Variants in WFDC11 observed in about 807,000 individuals in gnomAD.
WFDC11 encodes WAP four-disulfide core domain 11.
Under a neutral mutation model 9.9 loss-of-function variants are expected in WFDC11, and 9 were observed. The ratio of observed to expected loss-of-function variants is 0.91; its 90% CI spans 0.55 to 1.58. The LOEUF (loss-of-function observed/expected upper bound fraction) is 1.58, where lower values mean the gene tolerates loss of function less well. WFDC11 is among the 40% of genes most tolerant of loss of function. The pLI, the probability that WFDC11 is intolerant of heterozygous loss-of-function variation, is 0.00. For missense variants in WFDC11, 106 were observed against 101.7 expected, an observed-to-expected ratio of 1.04 and a Z score of -0.18; for synonymous variants, 32 against 33.3, an observed-to-expected ratio of 0.96 and a Z score of 0.13.
rs373408970 is a variant in WFDC11 at position 45,650,447 on chromosome 20, T to G, written c.100+54A>C. On this transcript the variant is annotated intron_variant, in intron 3 of 4. Coordinates refer to ENST00000324384, the MANE Select transcript of WFDC11 (RefSeq NM_147197.2). ...CGGACAATGAAACCCCCTCCCTTGT[T>G]CAGAAACAAGCTCATCCCCCTCCTG... 1.1e-4 allele frequency: 160 copies of G among 1,469,552 alleles called. 2 individuals are homozygous for G. The South Asian group carries it at 1.6e-3, about 14-fold the overall frequency. The allele number at this position is 1,469,552 out of a possible 1,614,324, so 91.0% of individuals were successfully genotyped here.
At chr20:45,653,078 T>A (rs1207375479) in intron 2 of WFDC11, among the ~76,000 whole-genome samples, 6 of 148,362 alleles carry the variant, frequency 4.0e-5, no homozygotes. Context: ...GGAAATAGAA[T>A]GCCACAAAGA....
At chr20:45,649,985 G>T (rs4810462) in intron 3 of WFDC11, among the ~76,000 whole-genome samples, 1 of 151,796 alleles carries the variant, frequency 6.6e-6, no homozygotes, top group Non-Finnish European at 1.5e-5. Flanking sequence ...CACTAAGAAG[G>T]GATCTCAAGC....
chr20:45,668,949 C>A (rs181443066), intron 1 of WFDC11, among the ~76,000 whole-genome samples: 1 of 152,150 alleles, frequency 6.6e-6, no homozygotes, highest in African/African-American at 2.4e-5. Flanking sequence ...ATAATTCAAT[C>A]TGTGCATAAA....
chr20:45,650,519 T>C lies in WFDC11; in HGVS notation c.82A>G (p.Arg28Gly), dbSNP rs745614028. 1.2e-6 allele frequency: 2 copies of C among 1,614,030 alleles called. No homozygotes were observed. Among genetic ancestry groups the C allele is most frequent in the Admixed American group, 3.3e-5 (2 of 60,014 alleles). ...TVLLSVLGEM[R>G]KKRYDRKELL... Reference sequence around the variant, plus strand: ...CACCTACTGTCATATCTTTTCTTCCTCATTTCTCCCAGCACAGACAGTAGC... The same window carrying C: ...CACCTACTGTCATATCTTTTCTTCCCCATTTCTCCCAGCACAGACAGTAGC... The change falls in exon 3 of 5, where the codon AGG (arginine) becomes GGG (glycine). Residue 28 changes from arginine to glycine, a missense_variant. By Grantham distance (125) the Arg-to-Gly change is moderately radical. Transcript: ENST00000324384.
intron 2 of WFDC11, among the ~76,000 whole-genome samples, chr20:45,662,652 G>A (rs1160358854): frequency 3.9e-5 from 6 of 152,164 alleles, no homozygotes; most frequent in African/African-American, 1.2e-4. Context: ...TTTGTCAAAG[G>A]CCTTTTCTGC....
chr20:45,656,330 T>C (rs1382442648), intron 2 of WFDC11, among the ~76,000 whole-genome samples: 6 of 152,120 alleles, frequency 3.9e-5, no homozygotes, highest in African/African-American at 1.4e-4. Flanking sequence ...AAACAAGCAA[T>C]GGGGAAAGGA....
chr20:45,653,165 G>A (rs923519092), intron 2 of WFDC11, among the ~76,000 whole-genome samples: 3 of 152,082 alleles, frequency 2.0e-5, no homozygotes, highest in African/African-American at 7.2e-5. Context: ...AAAATGTTAA[G>A]GGCAGCAAGA....
intron 2 of WFDC11, among the ~76,000 whole-genome samples, chr20:45,661,535 G>T (rs542123070): frequency 2.8e-4 from 43 of 152,294 alleles, no homozygotes; most frequent in South Asian, 2.3e-3. Context: ...TTCTTCTAGG[G>T]TTTTTATGGT....
At chr20:45,665,638 C>A (rs1268449616) in intron 2 of WFDC11, among the ~76,000 whole-genome samples, 2 of 152,100 alleles carry the variant, frequency 1.3e-5, no homozygotes, top group Admixed American at 6.5e-5. Context: ...GATGCTATTC[C>A]TTTCTGTTTG....
chr20:45,666,276 G>A (rs997213071), intron 2 of WFDC11, among the ~76,000 whole-genome samples: 2 of 152,242 alleles, frequency 1.3e-5, no homozygotes, highest in African/African-American at 4.8e-5. Context: ...AAGACCTTGG[G>A]AAAAGCACAG....
intron 2 of WFDC11, among the ~76,000 whole-genome samples, chr20:45,655,071 A>C (rs1395297849): frequency 6.6e-6 from 1 of 152,222 alleles, no homozygotes; most frequent in Non-Finnish European, 1.5e-5. Flanking sequence ...AATCCTCCCT[A>C]ACCCATTTTA....
chr20:45,668,291 A>C (rs1362451815), intron 1 of WFDC11, among the ~76,000 whole-genome samples: 2 of 152,214 alleles, frequency 1.3e-5, no homozygotes, highest in Non-Finnish European at 2.9e-5. Flanking sequence ...GACTGGGTCT[A>C]GGAATATTCC....
At chr20:45,661,043 AG>A (rs1218226863) in intron 2 of WFDC11, among the ~76,000 whole-genome samples, 2 of 152,108 alleles carry the variant, frequency 1.3e-5, no homozygotes, top group African/African-American at 2.4e-5. Flanking sequence ...ACAGTGTAAA[AG>A]TGTTCCTATT....
intron 2 of WFDC11, among the ~76,000 whole-genome samples, chr20:45,657,508 C>T (rs1477224496): frequency 2.0e-5 from 3 of 152,028 alleles, no homozygotes; most frequent in African/African-American, 4.8e-5. Flanking sequence ...GGGTGCAGCA[C>T]ACCAATATGG....
chr20:45,654,194 C>T (rs1329380069), intron 2 of WFDC11, among the ~76,000 whole-genome samples: 2 of 152,200 alleles, frequency 1.3e-5, no homozygotes, highest in East Asian at 3.8e-4. Context: ...AAGCACTCCT[C>T]AGCAAATGTA....
Position 45,650,536 on chromosome 20 carries a change from G to A in WFDC11, c.65C>T (p.Ser22Phe), listed in dbSNP as rs1287980921. ...TTTCTTCCTCATTTCTCCCAGCACA[G>A]ACAGTAGCACCGTACAGAAGAATGT... ...LMTFFCTVLL[S>F]VLGEMRKKRY... is the part of the protein sequence containing the mutation. Residue 22 changes from serine (S) to phenylalanine (F), a missense_variant, in exon 3 of 5, where the codon TCT (serine) becomes TTT (phenylalanine). By Grantham distance (155) the Ser-to-Phe change is radical. Transcript: ENST00000324384. 1.2e-6 allele frequency: 2 copies of A among 1,613,760 alleles called. No homozygotes were observed. Among genetic ancestry groups the A allele is most frequent in the African/African-American group, 1.3e-5 (1 of 74,814 alleles).
chr20:45,659,753 AT>A (rs1387178168), intron 2 of WFDC11, among the ~76,000 whole-genome samples: 3 of 152,078 alleles, frequency 2.0e-5, no homozygotes, highest in African/African-American at 7.2e-5. Flanking sequence ...TTTTGCTGCC[AT>A]TGCTTTTGGT....
intron 2 of WFDC11, among the ~76,000 whole-genome samples, chr20:45,653,740 A>G (rs1982860751): frequency 6.6e-6 from 1 of 152,218 alleles, no homozygotes; most frequent in Admixed American, 6.5e-5. Flanking sequence ...AGGAAGATCC[A>G]CCAAGCAAAT....
At chr20:45,665,978 G>A (rs1340736349) in intron 2 of WFDC11, among the ~76,000 whole-genome samples, 1 of 152,240 alleles carries the variant, frequency 6.6e-6, no homozygotes, top group African/African-American at 2.4e-5. Context: ...GGACGTTTAG[G>A]TCTGCAGGAG....
Sources: gnomAD v4.1 joint callset for allele counts (sites outside exome capture counted in the v4.1 genomes callset) on GRCh38, gnomAD v4.1.1 for gene constraint, MANE v1.5 for transcripts, NCBI Gene and HGNC (gene_info 2026-07-23, HGNC 2026-07-21) for gene names.